The following GIGYF2 variants were observed in gnomAD, a reference collection of about 807,000 sequenced individuals.
The protein encoded by GIGYF2 is GRB10 interacting GYF protein 2, also known as GRB10-interacting GYF protein 2.
Under a neutral mutation model 208.1 loss-of-function variants are expected in GIGYF2, and 25 were observed. That is an observed-to-expected ratio of 0.12 (90% CI 0.09 to 0.17). The LOEUF (loss-of-function observed/expected upper bound fraction) is 0.17. GIGYF2 is among the 10% of genes least tolerant of loss of function. GIGYF2 has a pLI of 1.00. For synonymous variants in GIGYF2, 534 were observed against 543.8 expected (o/e 0.98, Z 0.25); for missense variants, 1,302 against 1,579.4 (o/e 0.82, Z 2.98).
At chr2:232,843,563 A>C (rs1285833312) in intron 23 of GIGYF2, among the ~76,000 whole-genome samples, 1 of 54,532 alleles carries the variant, frequency 1.8e-5, no homozygotes, top group African/African-American at 5.9e-5. Context: ...ACCCTGTCTC[A>C]AAAAAAAAAA....
chr2:232,801,548 A>G (rs1022425244), intron 14 of GIGYF2, among the ~76,000 whole-genome samples: 1 of 152,220 alleles, frequency 6.6e-6, no homozygotes, highest in African/African-American at 2.4e-5. Context: ...TATTTGTTGT[A>G]TACGACATGA....
chr2:232,754,308 C>T (rs1698450951), intron 5 of GIGYF2, among the ~76,000 whole-genome samples: 1 of 151,750 alleles, frequency 6.6e-6, no homozygotes, highest in Non-Finnish European at 1.5e-5. Context: ...CTTTTATGAG[C>T]AGTACTGCAG....
chr2:232,797,080 G>T (rs1574895826), intron 14 of GIGYF2, among the ~76,000 whole-genome samples: 1 of 147,232 alleles, frequency 6.8e-6, no homozygotes, highest in Admixed American at 6.7e-5. Flanking sequence ...GACCTTGACT[G>T]TTTTTTTTTT....
intron 8 of GIGYF2, among the ~76,000 whole-genome samples, chr2:232,778,191 C>T (rs777572778): frequency 6.6e-6 from 1 of 152,134 alleles, no homozygotes; most frequent in Non-Finnish European, 1.5e-5. Context: ...TCAATTCAGC[C>T]TCCCAAATTC....
intron 19 of GIGYF2, 103 bp from the exon 20 acceptor site, chr2:232,816,768 G>C: frequency 1.2e-6 from 1 of 852,758 alleles, no homozygotes; most frequent in South Asian, 1.3e-5. Flanking sequence ...AGTGCAGTAC[G>C]GTACAAGCAG....
intron 21 of GIGYF2, among the ~76,000 whole-genome samples, chr2:232,823,382 T>TTA (rs1701156343): frequency 6.8e-6 from 1 of 148,126 alleles, no homozygotes; most frequent in African/African-American, 2.5e-5. Flanking sequence ...TTTTTTTTTT[T>TTA]ATTGAGATGG....
At chr2:232,762,757 G>T (rs913328984) in intron 8 of GIGYF2, among the ~76,000 whole-genome samples, 1 of 152,030 alleles carries the variant, frequency 6.6e-6, no homozygotes, top group Non-Finnish European at 1.5e-5. Flanking sequence ...AATGAAAACC[G>T]TTAAGGCCAG....
chr2:232,851,096 G>A (rs1690296123), intron 28 of GIGYF2, among the ~76,000 whole-genome samples: 1 of 152,140 alleles, frequency 6.6e-6, no homozygotes, highest in Admixed American at 6.5e-5. Flanking sequence ...TGAGGTAGGT[G>A]GGTCACTTGA....
chr2:232,796,299 TTTAAA>T (rs1700220966), intron 14 of GIGYF2, 78 bp downstream of exon 14: 5 of 960,124 alleles, frequency 5.2e-6, no homozygotes, highest in Non-Finnish European at 8.5e-6. Context: ...ATTTGTTTAA[TTTAAA>T]TTATAGTAGA....
chr2:232,836,265 T>TAC (rs1559160124), intron 22 of GIGYF2, among the ~76,000 whole-genome samples: 2 of 1,096 alleles, frequency 1.8e-3, no homozygotes, highest in East Asian at 0.019. Context: ...CATCTCTACA[T>TAC]ATATATATAT....
chr2:232,739,366 C>A lies in GIGYF2; in HGVS notation c.41+4128C>A, dbSNP rs372674975. 2.9e-4 allele frequency among the ~76,000 whole-genome samples: 37 copies of A among 128,774 alleles called. 1 individual carries two copies. The East Asian group carries it at 5.8e-3, about 20-fold the overall frequency. The allele number at this position is 128,774 out of a possible 152,430, so 84.5% of individuals were successfully genotyped here. A position where few individuals can be genotyped will look rare whatever the true frequency, so the allele number is the denominator to read the frequency against. On this transcript the variant is annotated intron_variant, in intron 3 of 28. Coordinates refer to ENST00000373563, the MANE Select transcript of GIGYF2 (RefSeq NM_001103146.3). ...AGCCTGGGCAACAAAAGCAAACCCC[C>A]CCCCCCCCGCAAAAAAAAAGAAAAG... is the stretch of plus-strand genomic sequence containing the variant.
chr2:232,805,299 G>C (rs1162649779), intron 14 of GIGYF2, among the ~76,000 whole-genome samples: 1 of 151,880 alleles, frequency 6.6e-6, no homozygotes, highest in African/African-American at 2.4e-5. Flanking sequence ...ATCACGTGGT[G>C]GTTACGTCTT....
intron 23 of GIGYF2, among the ~76,000 whole-genome samples, chr2:232,840,603 C>T (rs2106419298): frequency 6.6e-6 from 1 of 152,254 alleles, no homozygotes; most frequent in South Asian, 2.1e-4. Flanking sequence ...GGGGATATAG[C>T]TGAGTCTAAA....
chr2:232,776,797 C>G (rs558049978), intron 8 of GIGYF2: 2 of 247,882 alleles, frequency 8.1e-6, no homozygotes, highest in East Asian at 1.6e-4. Flanking sequence ...TAATCAGGAC[C>G]GGTCTTTAGT....
chr2:232,726,491 A>G (rs1697209347), intron 2 of GIGYF2, among the ~76,000 whole-genome samples: 1 of 152,178 alleles, frequency 6.6e-6, no homozygotes. Flanking sequence ...CTATAGTTTC[A>G]GCCACTGGGG....
Position 232,834,192 on chromosome 2 carries a change from C to A in GIGYF2, c.2766+1099C>A, listed in dbSNP as rs761550600. Among the ~76,000 whole-genome samples, 146 of 152,028 alleles carry A rather than the reference C, an allele frequency of 9.6e-4. 3 individuals are homozygous for A. The highest frequency in any genetic ancestry group is 2.2e-4 in the Non-Finnish European group (15 of 67,994). On this transcript the variant is annotated intron_variant, in intron 22 of 28. Coordinates refer to ENST00000373563, the MANE Select transcript of GIGYF2 (RefSeq NM_001103146.3). ...TGCAGTGCGCAGTAAGGTTTAGTGT[C>A]CCCTATCTTCAAGTAGCTCACAGGT...
chr2:232,794,694 C>A, intron 12 of GIGYF2, 54 bp from the exon 13 acceptor site: 1 of 1,367,964 alleles, frequency 7.3e-7, no homozygotes, highest in African/African-American at 1.4e-5. Context: ...TGTAGTTAGC[C>A]TTCACAGAAG....
intron 8 of GIGYF2, among the ~76,000 whole-genome samples, chr2:232,780,938 ATTAT>A (rs988798056): frequency 2.0e-4 from 31 of 151,918 alleles, no homozygotes; most frequent in Admixed American, 2.6e-4. Context: ...TTTAATATTT[ATTAT>A]TTATTTATGT....
chr2:232,701,741 A>G (rs1237063058), intron 1 of GIGYF2, among the ~76,000 whole-genome samples: 1 of 152,078 alleles, frequency 6.6e-6, no homozygotes, highest in Non-Finnish European at 1.5e-5. Flanking sequence ...CAATTTGAGA[A>G]AGTCACATCC....
Sources: allele counts gnomAD v4.1 joint callset (sites outside exome capture counted in the v4.1 genomes callset), GRCh38; gene constraint gnomAD v4.1.1; transcripts MANE v1.5; gene names NCBI Gene and HGNC (gene_info 2026-07-23, HGNC 2026-07-21).